Variants in OPCML observed in about 807,000 individuals in gnomAD.
OPCML encodes the protein opioid binding protein/cell adhesion molecule like.
In OPCML, 13 loss-of-function variants were observed where a neutral mutation model predicts 37.8. That is an observed-to-expected ratio of 0.34 (90% confidence interval 0.22 to 0.55). OPCML has a LOEUF of 0.55. Ranked by LOEUF, OPCML falls within the 20% of genes least tolerant of loss-of-function variation. The probability of loss-of-function intolerance (pLI) is 0.91; values close to 1 mark genes in which losing one functional copy is unlikely to be tolerated. For synonymous variants in OPCML, 176 were observed against 168.8 expected, an observed-to-expected ratio of 1.04 and a Z score of -0.33; for missense variants, 341 against 435.6, an observed-to-expected ratio of 0.78 and a Z score of 1.93.
At chr11:133,265,607 T>C (rs567322050) in intron 1 of OPCML, among the ~76,000 whole-genome samples, 20 of 152,296 alleles carry the variant, frequency 1.3e-4, no homozygotes, top group African/African-American at 4.8e-4. Context: ...TTGATTATTT[T>C]TGAAACAAGA....
chr11:133,083,443 C>T (rs1021580234), intron 1 of OPCML, among the ~76,000 whole-genome samples: 1 of 152,204 alleles, frequency 6.6e-6, no homozygotes, highest in African/African-American at 2.4e-5. Context: ...GCCAACCCCA[C>T]CCCACCCCAG....
chr11:132,438,465 G>A (rs1414014766), intron 4 of OPCML, among the ~76,000 whole-genome samples: 1 of 152,240 alleles, frequency 6.6e-6, no homozygotes, highest in Non-Finnish European at 1.5e-5. Flanking sequence ...ATGTGAAGCA[G>A]GAAGGTGTCT....
At chr11:132,808,571 GTATA>G (rs1484214615) in intron 2 of OPCML, among the ~76,000 whole-genome samples, 2 of 152,140 alleles carry the variant, frequency 1.3e-5, no homozygotes. Flanking sequence ...TGATCATTGG[GTATA>G]ACCCTGTGAT....
chr11:132,437,187 T>C, intron 5 of OPCML, 35 bp downstream of exon 5: 1 of 1,605,152 alleles, frequency 6.2e-7, no homozygotes, highest in Non-Finnish European at 8.5e-7. Context: ...TGTGCCGTCT[T>C]TTCCCCAGAA....
chr11:133,447,337 C>A (rs1198741176), intron 1 of OPCML, among the ~76,000 whole-genome samples: 1 of 152,110 alleles, frequency 6.6e-6, no homozygotes, highest in Non-Finnish European at 1.5e-5. Flanking sequence ...TGAAGAGATA[C>A]CTATTTAAAT....
chr11:133,242,564 G>A (rs150164237), intron 1 of OPCML, among the ~76,000 whole-genome samples: 1 of 152,246 alleles, frequency 6.6e-6, no homozygotes, highest in Non-Finnish European at 1.5e-5. Flanking sequence ...GTGCCTCCTG[G>A]TGCCTCTCCT....
chr11:132,671,303 G>A (rs1206828693), intron 2 of OPCML, among the ~76,000 whole-genome samples: 1 of 151,818 alleles, frequency 6.6e-6, no homozygotes, highest in East Asian at 1.9e-4. Flanking sequence ...CAGATTATGC[G>A]AACTGTCTCT....
intron 1 of OPCML, among the ~76,000 whole-genome samples, chr11:133,100,598 T>C (rs1404261308): frequency 6.6e-6 from 1 of 152,230 alleles, no homozygotes; most frequent in Non-Finnish European, 1.5e-5. Flanking sequence ...AAGACTGTGA[T>C]ATTGGTATTA....
At chr11:133,209,564 G>C (rs890716766) in intron 1 of OPCML, among the ~76,000 whole-genome samples, 2 of 152,186 alleles carry the variant, frequency 1.3e-5, no homozygotes, top group African/African-American at 4.8e-5. Context: ...TGATATTTCA[G>C]ATATTTGACT....
Position 132,726,870 on chromosome 11 carries a change from C to T in OPCML, c.147-69551G>A, listed in dbSNP as rs554003078. On this transcript the variant is annotated intron_variant, in intron 2 of 7. Coordinates refer to ENST00000524381, the MANE Select transcript of OPCML (RefSeq NM_001012393.5). ...CATGTGCCTGAAATACCTCCCATCC[C>T]TCCGCACTTCCTACCAAACCCCTCC... 2.6e-5 allele frequency among the ~76,000 whole-genome samples: 4 copies of T among 152,290 alleles called. No individual in the cohort carries two copies. In the East Asian group the frequency reaches 7.7e-4, roughly 29 times the overall value.
chr11:132,905,407 A>G (rs1944206458), intron 2 of OPCML, among the ~76,000 whole-genome samples: 1 of 151,584 alleles, frequency 6.6e-6, no homozygotes, highest in Middle Eastern at 3.4e-3. Context: ...AATTTTTTGT[A>G]TTTTTGGTAG....
intron 1 of OPCML, among the ~76,000 whole-genome samples, chr11:133,073,512 A>T (rs1948576163): frequency 1.3e-5 from 2 of 152,216 alleles, no homozygotes; most frequent in African/African-American, 4.8e-5. Context: ...GAGCTGCCCC[A>T]AAGCTGAAGT....
At chr11:133,082,150 G>T (rs1427971106) in intron 1 of OPCML, among the ~76,000 whole-genome samples, 2 of 151,674 alleles carry the variant, frequency 1.3e-5, no homozygotes. Flanking sequence ...CCAAGGGCAG[G>T]ACAAGCCCGG....
At position 133,107,497 on chromosome 11, in the gene OPCML, G is replaced by A. The variant is rs144217246; in HGVS notation, c.62-164487C>T. ...CTTCTCATCATCAATGAATATTTCT[G>A]GCCCCAACCTATTTATCCAGACAAC... On this transcript the variant is annotated intron_variant, in intron 1 of 7. Coordinates refer to ENST00000524381, the MANE Select transcript of OPCML (RefSeq NM_001012393.5). Among the ~76,000 whole-genome samples, 808 of 152,222 alleles carry A rather than the reference G, an allele frequency of 5.3e-3. 6 individuals carry two copies. Among genetic ancestry groups the A allele is most frequent in the African/African-American group, 0.018 (741 of 41,546 alleles).
At chr11:132,646,091 G>C (rs957394548) in intron 3 of OPCML, among the ~76,000 whole-genome samples, 5 of 152,060 alleles carry the variant, frequency 3.3e-5, no homozygotes, top group South Asian at 4.2e-4. Flanking sequence ...GGGTGGGAGG[G>C]GGGTGAGGGA....
chr11:133,080,054 C>A (rs1372719879), intron 1 of OPCML, among the ~76,000 whole-genome samples: 6 of 152,102 alleles, frequency 3.9e-5, no homozygotes, highest in Non-Finnish European at 1.5e-5. Context: ...AGAGCAATGA[C>A]CAGAGAAGAA....
At chr11:132,499,409 C>T (rs540315963) in intron 4 of OPCML, among the ~76,000 whole-genome samples, 18 of 152,306 alleles carry the variant, frequency 1.2e-4, no homozygotes, top group African/African-American at 4.1e-4. Context: ...TGCCTCATCA[C>T]TATGCCGTAG....
intron 1 of OPCML, chr11:133,025,168 G>A (rs1947528161): frequency 3.8e-6 from 2 of 530,124 alleles, no homozygotes; most frequent in Non-Finnish European, 4.8e-6. Flanking sequence ...ACAACCCAAT[G>A]GTAAGCATAA....
intron 1 of OPCML, among the ~76,000 whole-genome samples, chr11:133,384,333 C>G (rs1205531814): frequency 6.6e-6 from 1 of 151,846 alleles, no homozygotes; most frequent in Admixed American, 6.6e-5. Context: ...ACCCTCCACT[C>G]TGGCCTGGTG....
Sources: allele counts gnomAD v4.1 joint callset (sites outside exome capture counted in the v4.1 genomes callset), GRCh38; gene constraint gnomAD v4.1.1; transcripts MANE v1.5; gene names NCBI Gene and HGNC (gene_info 2026-07-23, HGNC 2026-07-21).